The following PDE1A variants were observed in gnomAD, a reference collection of about 807,000 sequenced individuals.
The protein encoded by PDE1A is phosphodiesterase 1A.
A neutral mutation model predicts 61.7 loss-of-function variants in PDE1A; 35 were observed. That is an observed-to-expected ratio of 0.57 (90% CI 0.43 to 0.75). The LOEUF is 0.75. Among genes scored for constraint, PDE1A ranks in the 30% least tolerant of loss-of-function variants. PDE1A has a pLI of 0.00. For missense variants in PDE1A, 597 were observed against 630.6 expected (o/e 0.95, Z 0.57); for synonymous variants, 232 against 213.2 (o/e 1.09, Z -0.77).
At chr2:182,229,574 T>C (rs1689406237) in intron 6 of PDE1A, among the ~76,000 whole-genome samples, 1 of 151,922 alleles carries the variant, frequency 6.6e-6, no homozygotes, top group African/African-American at 2.4e-5. Context: ...TTTCCCCAAA[T>C]CCCTATTAGA....
At chr2:182,205,876 T>G in intron 8 of PDE1A, 64 bp downstream of exon 8, 3 of 1,449,368 alleles carry the variant, frequency 2.1e-6, no homozygotes, top group African/African-American at 1.4e-5. Flanking sequence ...TTTCTTGACT[T>G]TAAATCGCAT....
chr2:182,201,743 A>G, exon 9 of PDE1A: 2 of 1,612,698 alleles, frequency 1.2e-6, no homozygotes, highest in Non-Finnish European at 1.7e-6. Flanking sequence ...AAGTGACCTG[A>G]CATGTCTGTA....
chr2:182,703,827 C>G, the PDE1A span, among the ~76,000 whole-genome samples: 1 of 152,146 alleles, frequency 6.6e-6, no homozygotes, highest in Non-Finnish European at 1.5e-5. Flanking sequence ...TCCAGGCCAT[C>G]CATAAATAAG....
chr2:182,553,140 A>G, the PDE1A span, among the ~76,000 whole-genome samples: 11 of 152,216 alleles, frequency 7.2e-5, no homozygotes, highest in Admixed American at 7.2e-4. Flanking sequence ...TAATAGAGCT[A>G]TAACACTCAC....
At chr2:182,533,285 T>C in the PDE1A span, among the ~76,000 whole-genome samples, 1 of 152,224 alleles carries the variant, frequency 6.6e-6, no homozygotes, top group Admixed American at 6.5e-5. Flanking sequence ...CACTCCAGCC[T>C]GGGTGACAGA....
chr2:182,554,169 A>G, the PDE1A span, among the ~76,000 whole-genome samples: 1 of 152,182 alleles, frequency 6.6e-6, no homozygotes, highest in Non-Finnish European at 1.5e-5. Context: ...AAGGAGTCAC[A>G]CCATTTTCCT....
chr2:182,615,692 G>T, the PDE1A span, among the ~76,000 whole-genome samples: 2 of 152,102 alleles, frequency 1.3e-5, no homozygotes, highest in South Asian at 2.1e-4. Flanking sequence ...CAATATCAAG[G>T]GTCCCACACC....
chr2:182,186,662 TAATG>T lies in PDE1A; in HGVS notation c.1208-78_1208-75del. 7.0e-6 allele frequency: 10 copies of T among 1,421,576 alleles called. No individual in the cohort carries two copies. In the South Asian group the frequency reaches 7.8e-5, roughly 11 times the overall value. The allele number at this position is 1,421,576 out of a possible 1,614,324, so 88.1% of individuals were successfully genotyped here. A position where few individuals can be genotyped will look rare whatever the true frequency, so the allele number is the denominator to read the frequency against. On this transcript the variant is annotated intron_variant, in intron 11 of 13. Coordinates refer to ENST00000351439, the Ensembl canonical transcript of PDE1A. ...ATTTCCTGAATTCTGAAATCAGAAA[TAATG>T]AAGAGCTTCTGACAATCCTGGGATA...
At chr2:182,152,646 C>T (rs1444045972) in intron 13 of PDE1A, among the ~76,000 whole-genome samples, 1 of 152,076 alleles carries the variant, frequency 6.6e-6, no homozygotes, top group Non-Finnish European at 1.5e-5. Flanking sequence ...GTCTTGAACT[C>T]CTGACCTCAG....
intron 1 of PDE1A, among the ~76,000 whole-genome samples, chr2:182,296,437 G>A (rs1192902225): frequency 1.3e-5 from 2 of 152,062 alleles, no homozygotes; most frequent in African/African-American, 2.4e-5. Flanking sequence ...GCTACTACTG[G>A]GGAAATCCTA....
At chr2:182,431,106 TA>T (rs1158822621), upstream of PDE1A, among the ~76,000 whole-genome samples, 271 of 55,744 alleles carry the variant, frequency 4.9e-3, 1 homozygote, top group Middle Eastern at 0.023. Flanking sequence ...TAGAGTATAA[TA>T]AAAAAAAAAA....
the PDE1A span, among the ~76,000 whole-genome samples, chr2:182,634,219 CT>C: frequency 1.3e-5 from 2 of 152,162 alleles, no homozygotes; most frequent in African/African-American, 2.4e-5. Flanking sequence ...AACATTCCAT[CT>C]GAATTTAAAA....
At chr2:182,607,617 T>C in the PDE1A span, among the ~76,000 whole-genome samples, 1 of 152,188 alleles carries the variant, frequency 6.6e-6, no homozygotes. Flanking sequence ...TTGAAAAAAG[T>C]CTATGTACAA....
the PDE1A span, among the ~76,000 whole-genome samples, chr2:182,674,147 T>C: frequency 6.6e-6 from 1 of 151,970 alleles, no homozygotes; most frequent in African/African-American, 2.4e-5. Flanking sequence ...GTAAGTGGTA[T>C]AGCCAGGAAC....
intron 1 of PDE1A, among the ~76,000 whole-genome samples, chr2:182,397,204 G>A (rs2125424184): frequency 6.6e-6 from 1 of 152,232 alleles, no homozygotes; most frequent in African/African-American, 2.4e-5. Context: ...CTCAAAATAT[G>A]TAGTAACAAT....
intron 1 of PDE1A, among the ~76,000 whole-genome samples, chr2:182,341,031 A>G (rs1698148932): frequency 6.6e-6 from 1 of 152,210 alleles, no homozygotes; most frequent in South Asian, 2.1e-4. Context: ...ATGCTCTGGC[A>G]TTGTTTAGTA....
At chr2:182,569,088 A>G in the PDE1A span, among the ~76,000 whole-genome samples, 1 of 151,516 alleles carries the variant, frequency 6.6e-6, no homozygotes, top group South Asian at 2.1e-4. Context: ...CCATATCTCT[A>G]AAAAAAATTT....
the PDE1A span, among the ~76,000 whole-genome samples, chr2:182,582,002 C>T: frequency 1.3e-5 from 2 of 152,172 alleles, no homozygotes; most frequent in Non-Finnish European, 2.9e-5. Context: ...TAAGGAAATA[C>T]TGAATCACAT....
intron 2 of PDE1A, among the ~76,000 whole-genome samples, chr2:182,473,879 C>T (rs1293855157): frequency 6.6e-6 from 1 of 151,214 alleles, no homozygotes; most frequent in Non-Finnish European, 1.5e-5. Context: ...TTTCTTTATC[C>T]TGTCTATCAC....
Sources: gnomAD v4.1 joint callset for allele counts (sites outside exome capture counted in the v4.1 genomes callset) on GRCh38, gnomAD v4.1.1 for gene constraint, MANE v1.5 for transcripts, NCBI Gene and HGNC (gene_info 2026-07-23, HGNC 2026-07-21) for gene names.